Variants in BRD10 observed in about 807,000 individuals in gnomAD.
BRD10 encodes bromodomain containing 10, also known as uncharacterized bromodomain-containing protein 10.
chr9:5,974,466 C>T, the BRD10 span, among the ~76,000 whole-genome samples: 147 of 152,168 alleles, frequency 9.7e-4, no homozygotes, highest in African/African-American at 3.4e-3. Context: ...CAAAAGACAG[C>T]GATCCATGAC....
the BRD10 span, among the ~76,000 whole-genome samples, chr9:5,899,568 A>T: frequency 6.6e-6 from 1 of 152,184 alleles, no homozygotes; most frequent in African/African-American, 2.4e-5. Context: ...ACTTGAGGAA[A>T]GCCTTGGGTT....
the BRD10 span, among the ~76,000 whole-genome samples, chr9:5,972,967 A>T: frequency 1.3e-5 from 2 of 152,188 alleles, no homozygotes; most frequent in Admixed American, 1.3e-4. Flanking sequence ...AGACCAAAAA[A>T]ATGTGGTATT....
chr9:5,995,770 CTAAA>C, the BRD10 span, among the ~76,000 whole-genome samples: 3 of 151,910 alleles, frequency 2.0e-5, no homozygotes, highest in East Asian at 1.9e-4. Context: ...AGAGAGAATA[CTAAA>C]TAAAGACAAA....
the BRD10 span, among the ~76,000 whole-genome samples, chr9:5,931,664 G>GA: frequency 5.3e-5 from 8 of 151,988 alleles, no homozygotes; most frequent in Non-Finnish European, 8.8e-5. Flanking sequence ...TTCATAATTT[G>GA]AAAATGCTTA....
the BRD10 span, among the ~76,000 whole-genome samples, chr9:5,939,824 A>G: frequency 6.6e-6 from 1 of 152,234 alleles, no homozygotes; most frequent in South Asian, 2.1e-4. Flanking sequence ...GATGTTCAGC[A>G]GCAACATTGG....
chr9:5,924,050 T>C, the BRD10 span, among the ~76,000 whole-genome samples: 60 of 152,226 alleles, frequency 3.9e-4, 1 homozygote, highest in African/African-American at 1.2e-3. Flanking sequence ...CCATCAACCA[T>C]GGTAATTCCT....
the BRD10 span, among the ~76,000 whole-genome samples, chr9:5,967,610 AGC>A: frequency 6.6e-6 from 1 of 151,428 alleles, no homozygotes; most frequent in East Asian, 1.9e-4. Flanking sequence ...TGGTTTAAGC[AGC>A]TAGTTGCTAT....
At chr9:5,944,118 C>A in the BRD10 span, among the ~76,000 whole-genome samples, 2 of 151,996 alleles carry the variant, frequency 1.3e-5, no homozygotes, top group African/African-American at 4.8e-5. Flanking sequence ...AGGCGCAAAA[C>A]GAAAGGTTTA....
chr9:5,929,263 G>C, the BRD10 span: 2 of 582,286 alleles, frequency 3.4e-6, no homozygotes, highest in Non-Finnish European at 6.0e-6. Context: ...CCATAAAAAC[G>C]TATTTCTTCT....
At chr9:5,965,056 TAAAAAAAAAAA>T in the BRD10 span, among the ~76,000 whole-genome samples, 1 of 118,278 alleles carries the variant, frequency 8.5e-6, no homozygotes, top group East Asian at 2.6e-4. Context: ...TAAAGTATAA[TAAAAAAAAAAA>T]AAAAAAGAAA....
At chr9:5,924,841 G>A in the BRD10 span, 11 of 1,483,102 alleles carry the variant, frequency 7.4e-6, no homozygotes, top group East Asian at 2.4e-5. Flanking sequence ...TTCTTCAGGC[G>A]GCTCCTGAAA....
the BRD10 span, among the ~76,000 whole-genome samples, chr9:5,966,311 T>C: frequency 4.6e-5 from 7 of 152,116 alleles, no homozygotes; most frequent in Non-Finnish European, 1.0e-4. Flanking sequence ...TAAACCACTT[T>C]ATTGCCTTTG....
the BRD10 span, among the ~76,000 whole-genome samples, chr9:6,003,159 G>A: frequency 6.6e-6 from 1 of 151,982 alleles, no homozygotes; most frequent in Non-Finnish European, 1.5e-5. Context: ...CTATACACAA[G>A]CTTATTTTCA....
chr9:5,916,665 T>G, the BRD10 span, among the ~76,000 whole-genome samples: 35 of 152,002 alleles, frequency 2.3e-4, no homozygotes, highest in African/African-American at 8.0e-4. Context: ...GAAAGGGAAG[T>G]GCTAACACAC....
At chr9:5,941,930 T>C in the BRD10 span, among the ~76,000 whole-genome samples, 4 of 152,160 alleles carry the variant, frequency 2.6e-5, no homozygotes, top group Non-Finnish European at 2.9e-5. Context: ...GTGTTTGTAT[T>C]ATATGAATCC....
chr9:5,948,510 A>C, the BRD10 span, among the ~76,000 whole-genome samples: 5 of 152,072 alleles, frequency 3.3e-5, no homozygotes, highest in East Asian at 9.6e-4. Flanking sequence ...ATAAAAAAAA[A>C]AACTCCATGA....
At chr9:5,888,305 G>C in the BRD10 span, among the ~76,000 whole-genome samples, 1 of 152,206 alleles carries the variant, frequency 6.6e-6, no homozygotes. Flanking sequence ...TATTAGGTGA[G>C]TGCAAAAGTA....
the BRD10 span, among the ~76,000 whole-genome samples, chr9:5,938,122 T>C: frequency 1.3e-5 from 2 of 152,062 alleles, no homozygotes; most frequent in Admixed American, 6.5e-5. Flanking sequence ...AGCTTGAAAA[T>C]AAAAGATTAA....
At chr9:5,968,972 T>G in the BRD10 span, 1 of 1,610,134 alleles carries the variant, frequency 6.2e-7, no homozygotes, top group Non-Finnish European at 8.5e-7. Flanking sequence ...AAAAGGTAGT[T>G]CGTGAAAAGG....
Sources: gnomAD v4.1 joint callset for allele counts (sites outside exome capture counted in the v4.1 genomes callset) on GRCh38, gnomAD v4.1.1 for gene constraint, MANE v1.5 for transcripts, NCBI Gene and HGNC (gene_info 2026-07-23, HGNC 2026-07-21) for gene names.